Variants in PRKG1 observed in about 807,000 individuals in gnomAD.
PRKG1 encodes protein kinase cGMP-dependent 1, also known as cGMP-dependent protein kinase 1.
A neutral mutation model predicts 88.1 loss-of-function variants in PRKG1; 35 were observed. The ratio of observed to expected loss-of-function variants is 0.40; its 90% confidence interval spans 0.30 to 0.53. The LOEUF (loss-of-function observed/expected upper bound fraction) is 0.53. Among genes scored for constraint, PRKG1 ranks in the 20% least tolerant of loss-of-function variants. The probability of loss-of-function intolerance (pLI) is 0.59; values close to 1 mark genes in which losing one functional copy is unlikely to be tolerated. For synonymous variants in PRKG1, 303 were observed against 292.5 expected, an observed-to-expected ratio of 1.04 and a Z score of -0.37; for missense variants, 540 against 839.8, an observed-to-expected ratio of 0.64 and a Z score of 4.41.
At chr10:51,134,311 G>C (rs1341928976) in intron 1 of PRKG1, among the ~76,000 whole-genome samples, 1 of 152,142 alleles carries the variant, frequency 6.6e-6, no homozygotes, top group Non-Finnish European at 1.5e-5. Flanking sequence ...CAGGCAACCT[G>C]TATTCTCACT....
chr10:51,696,540 T>C (rs1038607249), intron 3 of PRKG1: 3 of 152,118 alleles, frequency 2.0e-5, no homozygotes, highest in South Asian at 4.1e-4. Context: ...AGTAGCCTGG[T>C]TGATTTTAGA....
chr10:51,746,584 A>C (rs1271502626), intron 3 of PRKG1, among the ~76,000 whole-genome samples: 2 of 151,912 alleles, frequency 1.3e-5, no homozygotes, highest in Non-Finnish European at 1.5e-5. Flanking sequence ...TTAGCCAGGC[A>C]TCATGGTGGG....
intron 5 of PRKG1, among the ~76,000 whole-genome samples, chr10:51,999,753 AATTC>A (rs1844545953): frequency 6.6e-6 from 1 of 152,110 alleles, no homozygotes; most frequent in Non-Finnish European, 1.5e-5. Flanking sequence ...AATTTATAAA[AATTC>A]AGGTACAGAT....
intron 9 of PRKG1, among the ~76,000 whole-genome samples, chr10:52,243,628 T>G (rs1190343162): frequency 6.6e-6 from 1 of 152,120 alleles, no homozygotes; most frequent in Non-Finnish European, 1.5e-5. Flanking sequence ...AGGTCCTAAT[T>G]TTTCCGGTGT....
At chr10:52,192,892 C>A (rs918941728) in intron 9 of PRKG1, among the ~76,000 whole-genome samples, 3 of 151,962 alleles carry the variant, frequency 2.0e-5, no homozygotes, top group Non-Finnish European at 4.4e-5. Flanking sequence ...CAAGCAATTT[C>A]CATGTAAGAC....
chr10:51,286,653 G>A (rs1023244498), intron 2 of PRKG1, among the ~76,000 whole-genome samples: 1 of 152,152 alleles, frequency 6.6e-6, no homozygotes, highest in African/African-American at 2.4e-5. Context: ...ACTGTAGTTA[G>A]TATATTCATC....
At chr10:51,201,612 G>C (rs1837914756) in intron 2 of PRKG1, among the ~76,000 whole-genome samples, 1 of 152,132 alleles carries the variant, frequency 6.6e-6, no homozygotes, top group African/African-American at 2.4e-5. Context: ...TCTCCAATAT[G>C]ATAGTGCATA....
At chr10:51,570,380 A>G (rs140280341) in intron 3 of PRKG1, among the ~76,000 whole-genome samples, 350 of 152,064 alleles carry the variant, frequency 2.3e-3, no homozygotes, top group Non-Finnish European at 4.3e-3. Flanking sequence ...AAAAATTGTT[A>G]TTAAGAAAAT....
intron 4 of PRKG1, among the ~76,000 whole-genome samples, chr10:51,895,617 T>G (rs1330910244): frequency 1.3e-5 from 2 of 152,270 alleles, no homozygotes; most frequent in East Asian, 3.9e-4. Flanking sequence ...TAGGGCAGTT[T>G]ATTCAAATAT....
At chr10:51,399,096 T>A (rs938353211) in intron 2 of PRKG1, among the ~76,000 whole-genome samples, 2 of 152,014 alleles carry the variant, frequency 1.3e-5, no homozygotes, top group Non-Finnish European at 2.9e-5. Flanking sequence ...TTTATATACA[T>A]CTTATTTATG....
intron 5 of PRKG1, among the ~76,000 whole-genome samples, chr10:51,953,721 G>GT (rs920963892): frequency 2.8e-4 from 41 of 148,362 alleles, no homozygotes; most frequent in South Asian, 1.7e-3. Context: ...GTGCGGTTTT[G>GT]TTTTTTTTTT....
intron 2 of PRKG1, among the ~76,000 whole-genome samples, chr10:51,204,754 C>T (rs1173467622): frequency 1.3e-5 from 2 of 152,150 alleles, no homozygotes; most frequent in Non-Finnish European, 2.9e-5. Context: ...AATAGAGTGT[C>T]ATCCATTGTC....
chr10:51,490,476 ACT>A (rs1310180713), intron 3 of PRKG1, among the ~76,000 whole-genome samples: 2 of 152,022 alleles, frequency 1.3e-5, no homozygotes, highest in Non-Finnish European at 2.9e-5. Context: ...CATCTATTGA[ACT>A]CTCTTATGCA....
At chr10:51,066,751 G>T (rs1843755475) in intron 1 of PRKG1, among the ~76,000 whole-genome samples, 1 of 152,000 alleles carries the variant, frequency 6.6e-6, no homozygotes, top group South Asian at 2.1e-4. Context: ...AATGTTAAAA[G>T]TACTGATATT....
chr10:51,426,787 C>T (rs1471914378), intron 2 of PRKG1, among the ~76,000 whole-genome samples: 1 of 152,072 alleles, frequency 6.6e-6, no homozygotes, highest in Admixed American at 6.5e-5. Context: ...TGTTTTGTTT[C>T]ATAAATTCTC....
chr10:51,400,058 CATT>C (rs1256266863), intron 2 of PRKG1, among the ~76,000 whole-genome samples: 1 of 152,132 alleles, frequency 6.6e-6, no homozygotes, highest in African/African-American at 2.4e-5. Flanking sequence ...ATTAGCCAGT[CATT>C]GTTGGTTGTT....
intron 3 of PRKG1, among the ~76,000 whole-genome samples, chr10:51,477,627 G>A (rs1393337954): frequency 1.3e-5 from 2 of 151,894 alleles, no homozygotes; most frequent in African/African-American, 4.8e-5. Context: ...TGCTTAGTGC[G>A]GCAACGAACA....
intron 9 of PRKG1, among the ~76,000 whole-genome samples, chr10:52,219,955 A>C (rs1840201461): frequency 6.6e-6 from 1 of 152,104 alleles, no homozygotes; most frequent in African/African-American, 2.4e-5. Context: ...ATTCATCTTG[A>C]GGTTTCTGTG....
intron 7 of PRKG1, among the ~76,000 whole-genome samples, chr10:52,063,131 G>A (rs1846276477): frequency 6.6e-6 from 1 of 152,186 alleles, no homozygotes; most frequent in African/African-American, 2.4e-5. Flanking sequence ...TGGCCTGGCA[G>A]GTTGCATTCA....
Sources: gnomAD v4.1 joint callset for allele counts (sites outside exome capture counted in the v4.1 genomes callset) on GRCh38, gnomAD v4.1.1 for gene constraint, MANE v1.5 for transcripts, NCBI Gene and HGNC (gene_info 2026-07-23, HGNC 2026-07-21) for gene names.